Variants in SLC19A1 observed in about 807,000 individuals in gnomAD.
The protein encoded by SLC19A1 is solute carrier family 19 member 1, also known as reduced folate transporter.
A neutral mutation model predicts 35.3 loss-of-function variants in SLC19A1; 37 were observed. The observed-to-expected ratio is 1.05, with a 90% CI of 0.81 to 1.38. SLC19A1 has a LOEUF of 1.38. Among genes scored for constraint, SLC19A1 ranks in the 40% most tolerant of loss-of-function variants. The probability of loss-of-function intolerance (pLI) is 0.00; values close to 1 mark genes in which losing one functional copy is unlikely to be tolerated. For missense variants in SLC19A1, 831 were observed against 826.9 expected (o/e 1.00, Z -0.06); for synonymous variants, 460 against 398.5 (o/e 1.15, Z -1.84).
intron 2 of SLC19A1, chr21:45,536,082 C>T: frequency 3.3e-6 from 1 of 300,484 alleles, no homozygotes. Flanking sequence ...ATGAAGCTCT[C>T]CCCGGGCCTC....
At chr21:45,557,263 G>A (rs149071379) in intron 1 of SLC19A1, among the ~76,000 whole-genome samples, 1,720 of 152,334 alleles carry the variant, frequency 0.011, 15 homozygotes, top group Non-Finnish European at 0.018. Flanking sequence ...CTCAGACAGC[G>A]GCCCGGGAGA....
upstream of SLC19A1, among the ~76,000 whole-genome samples, chr21:45,542,642 C>T (rs1198650726): frequency 1.3e-5 from 2 of 151,160 alleles, no homozygotes; most frequent in Non-Finnish European, 3.0e-5. Context: ...CGCGGCCCCT[C>T]GTGCTGCGGC....
upstream of SLC19A1, among the ~76,000 whole-genome samples, chr21:45,543,550 C>A (rs1297409036): frequency 6.6e-6 from 1 of 152,232 alleles, no homozygotes; most frequent in South Asian, 2.1e-4. Flanking sequence ...TGCTCTTGGT[C>A]TCCCGCCCAC....
downstream of SLC19A1, among the ~76,000 whole-genome samples, chr21:45,511,568 C>A (rs2037610427): frequency 6.6e-6 from 1 of 152,118 alleles, no homozygotes; most frequent in Non-Finnish European, 1.5e-5. Context: ...ATAAACTCCT[C>A]AAAGGGCAAC....
At position 45,534,829 on chromosome 21, in the gene SLC19A1, G is replaced by A. The variant is rs565862561; in HGVS notation, c.190-2681C>T. 59 of 569,550 alleles carry A rather than the reference G, an allele frequency of 1.0e-4. No individual in the cohort carries two copies. In the South Asian group the frequency reaches 1.2e-3, roughly 11 times the overall value. 35.3% of individuals were successfully genotyped at this position (569,550 alleles called of 1,614,324 possible). ...CCCTCACAACGGTCCCAGCAGGGAG[G>A]TGGCATCTGTCAGGCGGCCACGACT... is the stretch of plus-strand genomic sequence containing the variant. On this transcript the variant is annotated intron_variant, in intron 2 of 5. Coordinates refer to ENST00000311124, the MANE Select transcript of SLC19A1 (RefSeq NM_194255.4). This position sits in a 1 kb window ranked among gnomAD's most constrained non-coding sequence, Gnocchi z 4.2.
intron 1 of SLC19A1, among the ~76,000 whole-genome samples, chr21:45,553,518 G>A (rs2078488394): frequency 1.3e-5 from 2 of 151,556 alleles, no homozygotes; most frequent in Admixed American, 1.3e-4. Flanking sequence ...CACTTCAATG[G>A]CATTAAGGAC....
At chr21:45,558,341 C>A in intron 1 of SLC19A1, among the ~76,000 whole-genome samples, 1 of 152,218 alleles carries the variant, frequency 6.6e-6, no homozygotes, top group South Asian at 2.1e-4. Flanking sequence ...AGGGTGTGGG[C>A]CTGCAGCTCT....
At chr21:45,560,750 G>A (rs2078608132) in intron 1 of SLC19A1, among the ~76,000 whole-genome samples, 1 of 152,240 alleles carries the variant, frequency 6.6e-6, no homozygotes. Flanking sequence ...CCAATGAGGA[G>A]GACGAACCCA....
At position 45,512,703 on chromosome 21, in the gene SLC19A1, C is replaced by G. The variant is rs540888320; in HGVS notation, c.*2955G>C. ...GCAACCTCTTGGCCTGATCAGACCA[C>G]GGCTCGATTTCTCCAGGATTTCCTG... is the stretch of plus-strand genomic sequence containing the variant. On this transcript the variant is annotated 3_prime_UTR_variant, in exon 6 of 6. Transcript: ENST00000311124. The G allele has an allele frequency of 2.2e-6, 1 of 461,556 alleles. No individual in the cohort carries two copies. Among genetic ancestry groups the G allele is most frequent in the Non-Finnish European group, 4.0e-6 (1 of 251,460 alleles). 28.6% of individuals were successfully genotyped at this position (461,556 alleles called of 1,614,324 possible).
chr21:45,536,888 A>C (rs2078130229), intron 2 of SLC19A1, among the ~76,000 whole-genome samples: 1 of 152,062 alleles, frequency 6.6e-6, no homozygotes, highest in African/African-American at 2.4e-5. Context: ...TCCTGTGCAG[A>C]TGTGCCTTAT....
At position 45,513,633 on chromosome 21, in the gene SLC19A1, T is replaced by C. The variant is rs1441665870; in HGVS notation, c.*2025A>G. Reference sequence around the variant, plus strand: ...AGCCAACACGCACCTGCCTCAGGACTGCGACGAAACCGGTGGGGCTGGTTC... The same window carrying C: ...AGCCAACACGCACCTGCCTCAGGACCGCGACGAAACCGGTGGGGCTGGTTC... On this transcript the variant is annotated 3_prime_UTR_variant, in exon 6 of 6. Coordinates refer to ENST00000311124, the MANE Select transcript of SLC19A1 (RefSeq NM_194255.4). 6.6e-6 allele frequency: 1 copy of C among 152,276 alleles called. No individual in the cohort carries two copies. Among genetic ancestry groups the C allele is most frequent in the Non-Finnish European group, 1.5e-5 (1 of 68,056 alleles). The allele number at this position is 152,276 out of a possible 1,614,324, so 9.4% of individuals were successfully genotyped here. A position where few individuals can be genotyped will look rare whatever the true frequency, so the allele number is the denominator to read the frequency against.
chr21:45,517,992 G>A lies in SLC19A1; in HGVS notation c.1294-1852C>T, dbSNP rs959436596. On this transcript the variant is annotated intron_variant, in intron 5 of 5. Coordinates refer to ENST00000311124, the MANE Select transcript of SLC19A1 (RefSeq NM_194255.4). The surrounding 1 kb of genome is among the most constrained non-coding windows in gnomAD (Gnocchi z 4.4). Reference sequence around the variant, plus strand: ...CTTGCATCTCACTAAAAAATCCCTTGGCACACTAAACCACAAAGATCTCAA... The same window carrying A: ...CTTGCATCTCACTAAAAAATCCCTTAGCACACTAAACCACAAAGATCTCAA... Among the ~76,000 whole-genome samples, 6 of 152,094 alleles carry A rather than the reference G, an allele frequency of 3.9e-5. No homozygotes were observed. The highest frequency in any genetic ancestry group is 1.3e-4 in the Admixed American group (2 of 15,272).
intron 4 of SLC19A1, among the ~76,000 whole-genome samples, chr21:45,529,641 G>GGT (rs773690736): frequency 6.6e-6 from 1 of 151,390 alleles, no homozygotes; most frequent in African/African-American, 2.4e-5. Flanking sequence ...GTAAACGTGT[G>GGT]GTGTGTCCAT....
chr21:45,537,818 T>A lies in SLC19A1; in HGVS notation c.142A>T (p.Ile48Phe). 6.4e-7 allele frequency: 1 copy of A among 1,561,560 alleles called. No individual in the cohort carries two copies. Among genetic ancestry groups the A allele is most frequent in the Non-Finnish European group, 8.7e-7 (1 of 1,153,722 alleles). ...MAQIRPGESF[I>F]TPYLLGPDKN... ...TCGGGCCCCAGGAGGTAGGGGGTGA[T>A]GAAGCTCTCCCCTGGCCGTATCTGC... Residue 48 changes from isoleucine (I) to phenylalanine (F), a missense_variant, in exon 2 of 6, where the codon ATC becomes TTC. Ile to Phe is a conservative substitution (Grantham distance 21). Transcript: ENST00000311124.
chr21:45,537,627 C>A lies in SLC19A1; in HGVS notation c.189+144G>T, dbSNP rs543154906. ...CACAGGCAGCCGCCCTGGCACCCAG[C>A]GCCCACGTGCCTATTCCAGAAGCTG... is the stretch of plus-strand genomic sequence containing the variant. On this transcript the variant is annotated intron_variant, in intron 2 of 5. Transcript: ENST00000311124. 1,416 of 474,900 alleles carry A rather than the reference C, an allele frequency of 3.0e-3. 31 individuals are homozygous for A. The African/African-American group carries it at 0.036, about 12-fold the overall frequency. The allele number at this position is 474,900 out of a possible 1,614,324, so 29.4% of individuals were successfully genotyped here. A position where few individuals can be genotyped will look rare whatever the true frequency, so the allele number is the denominator to read the frequency against.
chr21:45,538,961 C>T (rs559758402), intron 1 of SLC19A1, among the ~76,000 whole-genome samples: 1 of 152,322 alleles, frequency 6.6e-6, no homozygotes, highest in Non-Finnish European at 1.5e-5. Context: ...CTCTTTCAGT[C>T]CTGATTCTGC....
chr21:45,506,482 T>G, intron 3 of SLC19A1: 1 of 241,652 alleles, frequency 4.1e-6, no homozygotes. Context: ...GATTGCCCCT[T>G]CCAGGACAGG....
At chr21:45,529,858 A>T (rs188723682) in intron 4 of SLC19A1, among the ~76,000 whole-genome samples, 3 of 140,702 alleles carry the variant, frequency 2.1e-5, no homozygotes, top group Non-Finnish European at 4.6e-5. Flanking sequence ...GTCCATGTGT[A>T]AGCATATGGT....
rs537044462 is a variant in SLC19A1 at position 45,521,582 on chromosome 21, G to T, written c.1293+4235C>A. Among the ~76,000 whole-genome samples the T allele has an allele frequency of 1.3e-3, 195 of 152,294 alleles. 1 individual carries two copies. Among genetic ancestry groups the T allele is most frequent in the African/African-American group, 4.5e-3 (188 of 41,574 alleles). ...TCAAAACAATTTTGAATAAAAAGAA[G>T]TTGGAGGAATCAAGTCTATCCACTT... On this transcript the variant is annotated intron_variant, in intron 5 of 5. Coordinates refer to ENST00000311124, the MANE Select transcript of SLC19A1 (RefSeq NM_194255.4).
Sources: allele counts gnomAD v4.1 joint callset (sites outside exome capture counted in the v4.1 genomes callset), GRCh38; gene constraint gnomAD v4.1.1; non-coding constraint Gnocchi (gnomAD v3.1); transcripts MANE v1.5; gene names NCBI Gene and HGNC (gene_info 2026-07-23, HGNC 2026-07-21).